Variants in PGS1 observed in about 807,000 individuals in gnomAD.
PGS1 encodes CDP-diacylglycerol--glycerol-3-phosphate 3-phosphatidyltransferase, mitochondrial.
Under a neutral mutation model 58.3 loss-of-function variants are expected in PGS1, and 44 were observed. The ratio of observed to expected loss-of-function variants is 0.75; its 90% confidence interval spans 0.59 to 0.97. The LOEUF is 0.97. Ranked by LOEUF, PGS1 falls within the 50% of genes least tolerant of loss-of-function variation. PGS1 has a pLI of 0.00. For synonymous variants in PGS1, 330 were observed against 311.0 expected (o/e 1.06, Z -0.64); for missense variants, 684 against 731.1 (o/e 0.94, Z 0.74).
chr17:78,421,017 TTTGAC>T (rs1427109921), intron 9 of PGS1: 2 of 152,264 alleles, frequency 1.3e-5, no homozygotes, highest in Non-Finnish European at 2.9e-5. Context: ...TTTTCGATTA[TTTGAC>T]TTGAAGTCCA....
At chr17:78,379,800 G>C (rs1031893363) in intron 1 of PGS1, among the ~76,000 whole-genome samples, 12 of 151,244 alleles carry the variant, frequency 7.9e-5, no homozygotes, top group Non-Finnish European at 1.3e-4. Flanking sequence ...TTGCACTCCA[G>C]CCTAGGCAAC....
intron 8 of PGS1, 151 bp downstream of exon 8, chr17:78,415,178 T>C (rs2146316177): frequency 1.2e-6 from 1 of 869,052 alleles, no homozygotes; most frequent in East Asian, 2.7e-5. Flanking sequence ...TCTCCAAGAG[T>C]GCAGTGATGG....
intron 6 of PGS1, among the ~76,000 whole-genome samples, chr17:78,402,000 G>C (rs534831434): frequency 1.2e-4 from 18 of 152,172 alleles, no homozygotes; most frequent in African/African-American, 4.3e-4. Context: ...GGAGACTCGA[G>C]CCCAGCTGTG....
chr17:78,420,830 G>C (rs943713180), intron 9 of PGS1: 1 of 152,140 alleles, frequency 6.6e-6, no homozygotes, highest in Non-Finnish European at 1.5e-5. Context: ...TGTTTCTTCT[G>C]ATGTGCACAC....
At chr17:78,422,470 G>A (rs981401114) in intron 9 of PGS1, among the ~76,000 whole-genome samples, 2 of 125,310 alleles carry the variant, frequency 1.6e-5, no homozygotes, top group Non-Finnish European at 3.7e-5. Flanking sequence ...CAAGCTGAAC[G>A]TAGAACGATA....
At chr17:78,384,878 G>A (rs895372283) in intron 1 of PGS1, among the ~76,000 whole-genome samples, 1 of 152,228 alleles carries the variant, frequency 6.6e-6, no homozygotes, top group African/African-American at 2.4e-5. Flanking sequence ...TGGAAGGGAC[G>A]TCTAAAGGTG....
intron 6 of PGS1, among the ~76,000 whole-genome samples, 167 bp downstream of exon 6, chr17:78,401,022 G>A (rs2083614261): frequency 6.6e-6 from 1 of 152,126 alleles, no homozygotes; most frequent in Non-Finnish European, 1.5e-5. Flanking sequence ...CTGACCATCA[G>A]TCATGCTCTG....
intron 7 of PGS1, among the ~76,000 whole-genome samples, chr17:78,411,836 C>G (rs2084728270): frequency 6.8e-6 from 1 of 147,226 alleles, no homozygotes; most frequent in African/African-American, 2.5e-5. Context: ...TGGTGCGGGT[C>G]TGACCGGAGC....
chr17:78,423,722 G>A, intron 9 of PGS1: 2 of 726,272 alleles, frequency 2.8e-6, no homozygotes, highest in Non-Finnish European at 4.5e-6. Flanking sequence ...GCTTTAATCT[G>A]CCCCACCTCT....
At chr17:78,379,824 T>A (rs938231892) in intron 1 of PGS1, among the ~76,000 whole-genome samples, 75 of 150,050 alleles carry the variant, frequency 5.0e-4, no homozygotes, top group Non-Finnish European at 1.8e-4. Context: ...AGCAAAACTC[T>A]GTTTCAAAAA....
At chr17:78,416,807 G>A (rs1197736820) in intron 8 of PGS1, among the ~76,000 whole-genome samples, 2 of 152,136 alleles carry the variant, frequency 1.3e-5, no homozygotes, top group Non-Finnish European at 2.9e-5. Context: ...TATATACTGG[G>A]ACGGCAGCTG....
intron 1 of PGS1, chr17:78,380,857 T>C (rs2081987311): frequency 2.0e-5 from 3 of 152,178 alleles, no homozygotes; most frequent in African/African-American, 7.2e-5. Context: ...TTTTTCTTTT[T>C]TTTTTTGAGA....
intron 6 of PGS1, among the ~76,000 whole-genome samples, chr17:78,402,746 C>G (rs1025001842): frequency 1.3e-5 from 2 of 152,200 alleles, no homozygotes; most frequent in African/African-American, 2.4e-5. Flanking sequence ...AGCCACTGTG[C>G]CCGGCCTGTT....
intron 6 of PGS1, among the ~76,000 whole-genome samples, chr17:78,402,427 TAC>T (rs758501183): frequency 1.8e-3 from 15 of 8,362 alleles, no homozygotes; most frequent in African/African-American, 0.01. Flanking sequence ...TATATATATA[TAC>T]ACACACACAC....
chr17:78,423,963 G>A (rs777727996), intron 9 of PGS1, 98 bp from the exon 10 acceptor site: 25 of 1,613,874 alleles, frequency 1.5e-5, no homozygotes, highest in East Asian at 6.7e-5. Flanking sequence ...CCTTCTCTTT[G>A]GTCTTCAAGT....
chr17:78,417,942 T>C (rs2085342633), intron 8 of PGS1, among the ~76,000 whole-genome samples: 1 of 150,776 alleles, frequency 6.6e-6, no homozygotes, highest in Non-Finnish European at 1.5e-5. Flanking sequence ...TTTTTTTTTT[T>C]TTTTTTTAAT....
intron 2 of PGS1, among the ~76,000 whole-genome samples, chr17:78,393,636 T>C (rs544522272): frequency 3.3e-5 from 5 of 152,184 alleles, no homozygotes; most frequent in Non-Finnish European, 7.3e-5. Context: ...CCTTTCAAAG[T>C]AACTGGGAAT....
Position 78,403,570 on chromosome 17 carries a change from G to C in PGS1, c.883G>C (p.Asp295His). 6.2e-7 allele frequency: 1 copy of C among 1,608,790 alleles called. No homozygotes were observed. Among genetic ancestry groups the C allele is most frequent in the Non-Finnish European group, 8.5e-7 (1 of 1,175,622 alleles). The change falls in exon 7 of 10, where the codon GAC (aspartate) becomes CAC (histidine). Residue 295 changes from aspartate (D) to histidine (H), a missense_variant and splice_region_variant. By Grantham distance (81) the Asp-to-His change is moderately conservative. Coordinates refer to ENST00000262764, the MANE Select transcript of PGS1 (RefSeq NM_024419.5). Reference protein sequence around the residue: ...VDGMVHPYKGDRAEYCKAANK... With the variant: ...VDGMVHPYKGHRAEYCKAANK... ...CTCTTCTTTCACGTCTTCCCCAGGG[G>C]ACCGGGCCGAGTACTGCAAGGCAGC...
Position 78,424,191 on chromosome 17 carries a change from C to T in PGS1, c.*141C>T. ...TATGGCTGAGGGTCAGGTGTGCTGC[C>T]AGTAAGTGAGGGAGGGGCTGGCAGG... On this transcript the variant is annotated 3_prime_UTR_variant, in exon 10 of 10. Coordinates refer to ENST00000262764, the MANE Select transcript of PGS1 (RefSeq NM_024419.5). 5.7e-6 allele frequency: 9 copies of T among 1,576,738 alleles called. No homozygotes were observed. Among genetic ancestry groups the T allele is most frequent in the Middle Eastern group, 1.7e-4 (1 of 5,894 alleles).
Sources: gnomAD v4.1 joint callset for allele counts (sites outside exome capture counted in the v4.1 genomes callset) on GRCh38, gnomAD v4.1.1 for gene constraint, MANE v1.5 for transcripts, NCBI Gene and HGNC (gene_info 2026-07-23, HGNC 2026-07-21) for gene names.